ARL2BP: variants seen among roughly 807,000 people sequenced by gnomAD.
ARL2BP encodes the protein ADP-ribosylation factor-like protein 2-binding protein.
In ARL2BP, 19 loss-of-function variants were observed where a neutral mutation model predicts 24.2. The ratio of observed to expected loss-of-function variants is 0.79; its 90% confidence interval spans 0.55 to 1.15. The LOEUF is 1.15. Among genes scored for constraint, ARL2BP ranks in the 50% most tolerant of loss-of-function variants. The pLI, the probability that ARL2BP is intolerant of heterozygous loss-of-function variation, is 0.00. For missense variants in ARL2BP, 160 were observed against 190.4 expected, an observed-to-expected ratio of 0.84 and a Z score of 0.94; for synonymous variants, 56 against 70.5, an observed-to-expected ratio of 0.79 and a Z score of 1.03.
At chr16:57,245,556 G>A (rs2075387628) in intron 1 of ARL2BP, 151 bp downstream of exon 1, 2 of 1,036,302 alleles carry the variant, frequency 1.9e-6, no homozygotes, top group African/African-American at 1.6e-5. Flanking sequence ...CCCAGCTCCA[G>A]GCCTTCCTTT....
At chr16:57,246,028 A>T (rs2075389280) in intron 1 of ARL2BP, 52 bp from the exon 2 acceptor site, 2 of 1,585,428 alleles carry the variant, frequency 1.3e-6, no homozygotes, top group East Asian at 2.2e-5. Flanking sequence ...TACTAAAAAC[A>T]TTTTTTTAAT....
At chr16:57,247,075 C>T (rs1437982727) in intron 2 of ARL2BP, among the ~76,000 whole-genome samples, 1 of 152,136 alleles carries the variant, frequency 6.6e-6, no homozygotes. Flanking sequence ...GAAAAGAACA[C>T]TGTTATTTGG....
At chr16:57,250,653 T>C in intron 5 of ARL2BP, 146 bp downstream of exon 5, 2 of 661,610 alleles carry the variant, frequency 3.0e-6, no homozygotes, top group African/African-American at 1.8e-5. Flanking sequence ...GCTGCTATTC[T>C]GTTGTGGCTG....
At chr16:57,250,534 C>G (rs778332995) in intron 5 of ARL2BP, 27 bp downstream of exon 5, 4 of 1,557,826 alleles carry the variant, frequency 2.6e-6, no homozygotes, top group Non-Finnish European at 3.5e-6. Flanking sequence ...ATTTATTTAG[C>G]CACTTTGAGC....
At position 57,248,521 on chromosome 16, in the gene ARL2BP, C is replaced by T. The variant is rs753124924; in HGVS notation, c.101-16C>T. ...ATCTCCATTAAAAAGAATAAATTTT[C>T]CCCACTGTGGTTCAGATGACGAGTT... On this transcript the variant is annotated splice_polypyrimidine_tract_variant and intron_variant, in intron 2 of 5. Transcript: ENST00000219204. The T allele has an allele frequency of 2.0e-6, 3 of 1,499,244 alleles. No individual in the cohort carries two copies. The highest frequency in any genetic ancestry group is 2.7e-6 in the Non-Finnish European group (3 of 1,091,550). 92.9% of individuals were successfully genotyped at this position (1,499,244 alleles called of 1,614,324 possible).
chr16:57,248,505 A>T, intron 2 of ARL2BP, 32 bp from the exon 3 acceptor site: 5 of 1,372,384 alleles, frequency 3.6e-6, no homozygotes, highest in Non-Finnish European at 4.1e-6. Context: ...AATCTCCATT[A>T]AAAAGAATAA....
chr16:57,250,597 C>G, intron 5 of ARL2BP, 90 bp downstream of exon 5: 1 of 988,198 alleles, frequency 1.0e-6, no homozygotes, highest in Non-Finnish European at 1.6e-6. Context: ...CACGCTTCCC[C>G]CATCATTCTC....
chr16:57,246,063 C>T lies in ARL2BP; in HGVS notation c.39-17C>T, dbSNP rs1250378648. ...TGCATTATTTGAAATAGCACCTAAT[C>T]CAGGCATGTTTTTCAGCTCCTCCGC... On this transcript the variant is annotated splice_polypyrimidine_tract_variant and intron_variant, in intron 1 of 5. Coordinates refer to ENST00000219204, the MANE Select transcript of ARL2BP (RefSeq NM_012106.4). The T allele has an allele frequency of 6.2e-7, 1 of 1,613,366 alleles. No individual in the cohort carries two copies. Among genetic ancestry groups the T allele is most frequent in the Non-Finnish European group, 8.5e-7 (1 of 1,179,592 alleles).
intron 5 of ARL2BP, 35 bp from the exon 6 acceptor site, chr16:57,252,131 T>C (rs1019038705): frequency 1.9e-6 from 3 of 1,602,590 alleles, no homozygotes. Context: ...GCCAGGGCTC[T>C]TTCTAGTCCT....
In ARL2BP at chr16:57,246,070, T is replaced by A. The variant is rs2075389469; in HGVS notation, c.39-10T>A. ...TTTGAAATAGCACCTAATCCAGGCA[T>A]GTTTTTCAGCTCCTCCGCCTCTGAT... On this transcript the variant is annotated splice_polypyrimidine_tract_variant and intron_variant, in intron 1 of 5. Transcript: ENST00000219204. 2 of 1,613,708 alleles carry A rather than the reference T, an allele frequency of 1.2e-6. No homozygotes were observed. Among genetic ancestry groups the A allele is most frequent in the South Asian group, 2.2e-5 (2 of 90,990 alleles).
chr16:57,245,960 G>A, intron 1 of ARL2BP, 120 bp from the exon 2 acceptor site: 3 of 888,318 alleles, frequency 3.4e-6, no homozygotes, highest in Non-Finnish European at 3.7e-6. Flanking sequence ...TTGAAGATGG[G>A]TGATGGGAAG....
intron 5 of ARL2BP, chr16:57,251,723 G>A (rs137908701): frequency 0.039 from 6,269 of 158,932 alleles, 128 homozygotes; most frequent in Middle Eastern, 0.098. Flanking sequence ...GCTTTGGGAG[G>A]CCAAGGCAGG....
intron 4 of ARL2BP, 39 bp from the exon 5 acceptor site, chr16:57,250,369 CTCA>C (rs772653956): frequency 2.6e-6 from 4 of 1,535,194 alleles, no homozygotes; most frequent in Non-Finnish European, 2.7e-6. Flanking sequence ...TGAGGACTGT[CTCA>C]TCATTCATTC....
At chr16:57,246,345 T>C (rs2075390408) in intron 2 of ARL2BP, 1 of 572,636 alleles carries the variant, frequency 1.7e-6, no homozygotes. Context: ...CTAATAAGCA[T>C]AGATTCAGAG....
At chr16:57,249,509 T>C (rs1249680683) in intron 3 of ARL2BP, 1 of 499,780 alleles carries the variant, frequency 2.0e-6, no homozygotes, top group Non-Finnish European at 3.6e-6. Context: ...GGTACCGTGC[T>C]ACTCACTGTC....
At chr16:57,250,175 A>G in intron 4 of ARL2BP, 2 of 599,562 alleles carry the variant, frequency 3.3e-6, no homozygotes, top group Non-Finnish European at 5.9e-6. Context: ...CTGTGGGCCT[A>G]GCTACTCAGG....
At chr16:57,248,366 G>T in intron 2 of ARL2BP, 171 bp from the exon 3 acceptor site, 1 of 364,298 alleles carries the variant, frequency 2.7e-6, no homozygotes, top group Non-Finnish European at 5.0e-6. Flanking sequence ...CAGGAGGATT[G>T]GGCTATTTCC....
chr16:57,245,985 CT>C (rs1258983534), intron 1 of ARL2BP, 94 bp from the exon 2 acceptor site: 3 of 1,247,050 alleles, frequency 2.4e-6, no homozygotes, highest in Non-Finnish European at 3.5e-6. Context: ...TTTTGCTACT[CT>C]TTTTTCTCTT....
rs2075398032 is a variant in ARL2BP at position 57,248,607 on chromosome 16, GA to G, written c.173del (p.Asn58IlefsTer16). The G allele has an allele frequency of 6.2e-7, 1 of 1,601,796 alleles. No individual in the cohort carries two copies. Among genetic ancestry groups the G allele is most frequent in the South Asian group, 1.1e-5 (1 of 88,418 alleles). On this transcript the variant is annotated frameshift_variant, in exon 3 of 6. Transcript: ENST00000219204. LOFTEE classifies it high-confidence loss of function. ...YYLEFEDTEE[N>X]KLIYTPIFNE... is the part of the protein sequence containing the mutation. ...ACCTGGAGTTTGAAGACACAGAAGA[GA>G]ATAAACTCATCTACACACCTATTTT... is the stretch of plus-strand genomic sequence containing the variant.
Sources: gnomAD v4.1 joint callset for allele counts (sites outside exome capture counted in the v4.1 genomes callset) on GRCh38, gnomAD v4.1.1 for gene constraint, MANE v1.5 for transcripts, NCBI Gene and HGNC (gene_info 2026-07-23, HGNC 2026-07-21) for gene names.